Variants in SERPINB8 observed in about 807,000 individuals in gnomAD.
SERPINB8 encodes the protein serpin B8.
In SERPINB8, 25 loss-of-function variants were observed where a neutral mutation model predicts 35.3. The ratio of observed to expected loss-of-function variants is 0.71; its 90% CI spans 0.52 to 0.99. The LOEUF (loss-of-function observed/expected upper bound fraction) is 0.99. Ranked by LOEUF, SERPINB8 falls within the 50% of genes least tolerant of loss-of-function variation. The pLI, the probability that SERPINB8 is intolerant of heterozygous loss-of-function variation, is 0.00. For missense variants in SERPINB8, 484 were observed against 446.5 expected (o/e 1.08, Z -0.76); for synonymous variants, 186 against 160.8 (o/e 1.16, Z -1.19).
chr18:63,978,992 T>C (rs1423583216), intron 2 of SERPINB8, among the ~76,000 whole-genome samples: 1 of 152,246 alleles, frequency 6.6e-6, no homozygotes, highest in Non-Finnish European at 1.5e-5. Flanking sequence ...TGGTGATGTA[T>C]GACCTTATCT....
At chr18:63,991,544 T>G (rs1017147423), downstream of SERPINB8, among the ~76,000 whole-genome samples, 4 of 144,888 alleles carry the variant, frequency 2.8e-5, no homozygotes, top group South Asian at 2.1e-4. Flanking sequence ...ATAATACAGG[T>G]TTTTTTTTGT....
Position 63,986,932 on chromosome 18 carries a change from C to CA in SERPINB8, c.784dup (p.Ser262LysfsTer2). ...GCCTGGACAAATTCAGAAAAGTTGA[C>CA]AAAAAGTAAGGTTCAAGTTTTCCTT... On this transcript the variant is annotated frameshift_variant, in exon 7 of 7. Transcript: ENST00000397985. LOFTEE classifies it high-confidence loss of function. 6.2e-7 allele frequency: 1 copy of CA among 1,613,590 alleles called. No homozygotes were observed. Among genetic ancestry groups the CA allele is most frequent in the South Asian group, 1.1e-5 (1 of 90,942 alleles).
At position 63,988,340 on chromosome 18, in the gene SERPINB8, G is replaced by A. The variant is rs1425574181; in HGVS notation, c.*1062G>A. On this transcript the variant is annotated 3_prime_UTR_variant, in exon 7 of 7. Coordinates refer to ENST00000397985, the MANE Select transcript of SERPINB8 (RefSeq NM_002640.4). The stretch of plus-strand genomic sequence containing the variant: ...GATGTGCATAGTATTCCACTGTGTG[G>A]CTGGATTTCTATAATTGAATCTAAT... The A allele has an allele frequency of 6.6e-6, 1 of 152,090 alleles. No individual in the cohort carries two copies. The highest frequency in any genetic ancestry group is 6.5e-5 in the Admixed American group (1 of 15,278). The allele number at this position is 152,090 out of a possible 1,614,324, so 9.4% of individuals were successfully genotyped here.
At chr18:64,009,363 G>C (rs181754218), downstream of SERPINB8, among the ~76,000 whole-genome samples, 1 of 152,178 alleles carries the variant, frequency 6.6e-6, no homozygotes, top group Non-Finnish European at 1.5e-5. Flanking sequence ...ACATAAATAA[G>C]CAAAGGGCCA....
intron 7 of SERPINB8, among the ~76,000 whole-genome samples, chr18:64,013,364 T>C (rs575380399): frequency 6.6e-4 from 101 of 152,276 alleles, no homozygotes; most frequent in African/African-American, 2.4e-3. Context: ...TACCATGGAA[T>C]ACCCTCCTAT....
rs561932836 is a variant in SERPINB8 at position 63,980,257 on chromosome 18, C to T, written c.306+319C>T. ...CTCCCCAGTCCCAAGTGTGGTTATT[C>T]GGCTGCCTCCTGCTGAGGTAGCCTC... On this transcript the variant is annotated intron_variant, in intron 3 of 6. Transcript: ENST00000397985. Among the ~76,000 whole-genome samples, 6 of 152,290 alleles carry T rather than the reference C, an allele frequency of 3.9e-5. No homozygotes were observed. In the East Asian group the frequency reaches 9.6e-4, roughly 24 times the overall value.
At chr18:63,979,465 G>A (rs1473840867) in intron 2 of SERPINB8, among the ~76,000 whole-genome samples, 1 of 152,308 alleles carries the variant, frequency 6.6e-6, no homozygotes, top group East Asian at 1.9e-4. Context: ...GTGGGTGGGA[G>A]GTAGGGGTCG....
intron 1 of SERPINB8, among the ~76,000 whole-genome samples, chr18:63,998,634 C>A (rs561455201): frequency 1.3e-5 from 2 of 152,286 alleles, no homozygotes; most frequent in South Asian, 2.1e-4. Context: ...GTTGCACACC[C>A]CTCTTTTAAA....
intron 1 of SERPINB8, among the ~76,000 whole-genome samples, chr18:63,971,765 C>T (rs573399200): frequency 1.3e-5 from 2 of 152,280 alleles, no homozygotes; most frequent in East Asian, 1.9e-4. Context: ...AAAAACCATG[C>T]ATGGCTTTCC....
chr18:63,972,502 T>G (rs558968648), intron 1 of SERPINB8, among the ~76,000 whole-genome samples: 2 of 152,262 alleles, frequency 1.3e-5, no homozygotes, highest in East Asian at 3.9e-4. Flanking sequence ...TTTTTTATTA[T>G]TATACTTTAA....
At chr18:63,985,008 C>T in intron 5 of SERPINB8, 85 bp from the exon 6 acceptor site, 3 of 1,356,198 alleles carry the variant, frequency 2.2e-6, no homozygotes, top group African/African-American at 1.5e-5. Flanking sequence ...ATTATACACA[C>T]CTAGAGTTTC....
At chr18:63,985,741 C>G (rs1264006938) in intron 6 of SERPINB8, among the ~76,000 whole-genome samples, 2 of 152,072 alleles carry the variant, frequency 1.3e-5, no homozygotes, top group East Asian at 3.8e-4. Context: ...GTCTAAAGTA[C>G]AGGTGGGAAA....
At chr18:63,998,005 T>C (rs2050858082) in intron 1 of SERPINB8, among the ~76,000 whole-genome samples, 3 of 152,206 alleles carry the variant, frequency 2.0e-5, no homozygotes, top group Admixed American at 1.3e-4. Flanking sequence ...GGAATCAAGA[T>C]GCCATCCTAG....
At chr18:63,976,263 G>C (rs1276112540) in intron 1 of SERPINB8, among the ~76,000 whole-genome samples, 1 of 152,184 alleles carries the variant, frequency 6.6e-6, no homozygotes, top group Non-Finnish European at 1.5e-5. Context: ...GAGGGAAATT[G>C]AGATGAGTTG....
chr18:63,998,038 ATTATCT>A (rs2050858204), intron 1 of SERPINB8, among the ~76,000 whole-genome samples: 2 of 152,210 alleles, frequency 1.3e-5, no homozygotes, highest in South Asian at 4.1e-4. Flanking sequence ...TGCATGAACT[ATTATCT>A]TCAAAAGATG....
At chr18:63,989,517 C>G (rs2050809081), downstream of SERPINB8, 1 of 152,152 alleles carries the variant, frequency 6.6e-6, no homozygotes, top group Non-Finnish European at 1.5e-5. Flanking sequence ...ATTTAACATT[C>G]CCAGTAAAGC....
At position 63,988,325 on chromosome 18, in the gene SERPINB8, G is replaced by T. The variant is rs1335954617; in HGVS notation, c.*1047G>T. On this transcript the variant is annotated 3_prime_UTR_variant, in exon 7 of 7. Coordinates refer to ENST00000397985, the MANE Select transcript of SERPINB8 (RefSeq NM_002640.4). ...CCAGGTCATCAATTTGATGTGCATA[G>T]TATTCCACTGTGTGGCTGGATTTCT... 6.6e-6 allele frequency: 1 copy of T among 152,166 alleles called. No homozygotes were observed. The highest frequency in any genetic ancestry group is 6.5e-5 in the Admixed American group (1 of 15,284). The allele number at this position is 152,166 out of a possible 1,614,324, so 9.4% of individuals were successfully genotyped here.
chr18:63,975,968 C>T (rs1377992127), intron 1 of SERPINB8, among the ~76,000 whole-genome samples: 2 of 152,112 alleles, frequency 1.3e-5, no homozygotes, highest in Admixed American at 6.5e-5. Context: ...CTTTGTAGGC[C>T]GCTGGGAAAC....
chr18:63,984,426 T>C (rs1285486193), intron 5 of SERPINB8, among the ~76,000 whole-genome samples: 1 of 152,210 alleles, frequency 6.6e-6, no homozygotes, highest in Non-Finnish European at 1.5e-5. Context: ...TATACAATCC[T>C]GAGCACAAGA....
Sources: allele counts gnomAD v4.1 joint callset (sites outside exome capture counted in the v4.1 genomes callset), GRCh38; gene constraint gnomAD v4.1.1; transcripts MANE v1.5; gene names NCBI Gene and HGNC (gene_info 2026-07-23, HGNC 2026-07-21).